KAZN: variants seen among roughly 807,000 people sequenced by gnomAD.
The protein encoded by KAZN is kazrin, periplakin interacting protein, also known as kazrin.
KAZN carries 40 observed loss-of-function variants against 87.4 expected under a neutral mutation model. The observed-to-expected ratio is 0.46, with a 90% CI of 0.36 to 0.60. The LOEUF (loss-of-function observed/expected upper bound fraction) is 0.60, where lower values mean the gene tolerates loss of function less well. KAZN is among the 20% of genes least tolerant of loss of function. KAZN has a pLI of 0.00. For synonymous variants in KAZN, 466 were observed against 458.3 expected (o/e 1.02, Z -0.22); for missense variants, 898 against 1,073.9 (o/e 0.84, Z 2.29).
At chr1:14,306,467 T>C (rs1654937578) in intron 2 of KAZN, among the ~76,000 whole-genome samples, 1 of 152,170 alleles carries the variant, frequency 6.6e-6, no homozygotes, top group Non-Finnish European at 1.5e-5. Context: ...AGAAAGGACA[T>C]GAACTCAGGG....
chr1:15,019,297 G>C (rs1305886583), intron 2 of KAZN, among the ~76,000 whole-genome samples: 1 of 152,186 alleles, frequency 6.6e-6, no homozygotes, highest in East Asian at 1.9e-4. Context: ...AGAGCAGGGG[G>C]CTCAGAACCA....
chr1:14,890,643 C>T lies in KAZN; in HGVS notation c.227-70041C>T, dbSNP rs183872870. Among the ~76,000 whole-genome samples the T allele has an allele frequency of 3.4e-3, 516 of 152,218 alleles. 3 individuals carry two copies. The highest frequency in any genetic ancestry group is 4.5e-3 in the African/African-American group (186 of 41,556). Reference sequence around the variant, plus strand: ...TGGGCTTTCTCAGTATACAGACTTCCGGGCCCCACGGCGGATCCACTGATG... The same window carrying T: ...TGGGCTTTCTCAGTATACAGACTTCTGGGCCCCACGGCGGATCCACTGATG... On this transcript the variant is annotated intron_variant, in intron 1 of 14. Coordinates refer to ENST00000376030, the MANE Select transcript of KAZN (RefSeq NM_201628.3).
At chr1:14,051,287 T>A (rs1367900704) in intron 1 of KAZN, among the ~76,000 whole-genome samples, 1 of 152,178 alleles carries the variant, frequency 6.6e-6, no homozygotes, top group Non-Finnish European at 1.5e-5. Context: ...CAAGCAGGAC[T>A]CTTGCTAAAA....
chr1:14,970,946 T>C (rs887050616), intron 2 of KAZN, among the ~76,000 whole-genome samples: 2 of 152,228 alleles, frequency 1.3e-5, no homozygotes, highest in African/African-American at 4.8e-5. Context: ...TTTGGAGTGA[T>C]AATCATTTCG....
At chr1:14,117,476 C>T (rs1201293996) in intron 1 of KAZN, among the ~76,000 whole-genome samples, 1 of 152,148 alleles carries the variant, frequency 6.6e-6, no homozygotes, top group Non-Finnish European at 1.5e-5. Context: ...AGTGTAAGTT[C>T]ATTAAAACCT....
chr1:14,830,068 G>A (rs1647010506), intron 1 of KAZN, among the ~76,000 whole-genome samples: 1 of 152,246 alleles, frequency 6.6e-6, no homozygotes, highest in African/African-American at 2.4e-5. Flanking sequence ...AATAATAACA[G>A]GTGTTGGGGG....
In KAZN at chr1:15,114,739, G is replaced by C; in HGVS notation, c.*104G>C. ...ACTGTACATAGCGGCCGCAGGCTGA[G>C]GATGTCCCTTGCTCCTGGGCAAAAT... On this transcript the variant is annotated 3_prime_UTR_variant, in exon 15 of 15. Transcript: ENST00000376030. 2.5e-6 allele frequency: 3 copies of C among 1,202,946 alleles called. No individual in the cohort carries two copies. The highest frequency in any genetic ancestry group is 3.4e-6 in the Non-Finnish European group (3 of 871,882). 74.5% of individuals were successfully genotyped at this position (1,202,946 alleles called of 1,614,324 possible).
intron 2 of KAZN, among the ~76,000 whole-genome samples, chr1:14,585,994 A>G (rs941353305): frequency 4.6e-5 from 7 of 152,160 alleles, no homozygotes; most frequent in Non-Finnish European, 7.4e-5. Flanking sequence ...GGAGATCAAA[A>G]TCAATTTTAA....
intron 2 of KAZN, among the ~76,000 whole-genome samples, chr1:14,510,574 C>G (rs1670851028): frequency 6.6e-6 from 1 of 152,162 alleles, no homozygotes; most frequent in Non-Finnish European, 1.5e-5. Context: ...ATATAGTGAG[C>G]TCTCTCAGGA....
At chr1:14,555,871 C>G (rs1177431776) in intron 2 of KAZN, among the ~76,000 whole-genome samples, 3 of 152,186 alleles carry the variant, frequency 2.0e-5, no homozygotes, top group Non-Finnish European at 4.4e-5. Flanking sequence ...AGGCTTGCCC[C>G]TTACTTATGA....
intron 8 of KAZN, among the ~76,000 whole-genome samples, chr1:15,074,908 G>A (rs374527676): frequency 9.5e-4 from 145 of 152,278 alleles, no homozygotes; most frequent in African/African-American, 3.3e-3. Context: ...AGCACAGGGC[G>A]CAATAAACCT....
Position 14,075,539 on chromosome 1 carries a change from G to A in KAZN, c.92-104896G>A, listed in dbSNP as rs190556349. On this transcript the variant is annotated intron_variant, in intron 1 of 16. Coordinates refer to the KAZN transcript ENST00000636203. ...TAAGGGGTTGGCATGGAACAGAAAG[G>A]GGGCAGAAGACATTTTGTTACTTTA... 2.8e-3 allele frequency among the ~76,000 whole-genome samples: 423 copies of A among 152,222 alleles called. 5 individuals carry two copies. Among genetic ancestry groups the A allele is most frequent in the African/African-American group, 9.9e-3 (410 of 41,538 alleles).
intron 2 of KAZN, among the ~76,000 whole-genome samples, chr1:14,181,285 A>G (rs373518296): frequency 3.0e-4 from 46 of 152,248 alleles, no homozygotes; most frequent in African/African-American, 1.1e-3. Context: ...GTGTCGGGAA[A>G]TGTTTCAGGA....
Position 15,094,371 on chromosome 1 carries a change from G to T in KAZN, c.1414G>T (p.Val472Leu). The T allele has an allele frequency of 6.2e-7, 1 of 1,612,742 alleles. No homozygotes were observed. Among genetic ancestry groups the T allele is most frequent in the South Asian group, 1.1e-5 (1 of 90,856 alleles). Reference sequence around the variant, plus strand: ...GTACGTCAAGGCCTGCACGGAGAACGTGAAGAGCGGGAAGGTAGGCAACTC... The same window carrying T: ...GTACGTCAAGGCCTGCACGGAGAACTTGAAGAGCGGGAAGGTAGGCAACTC... ...PMYVKACTENVKSGKVLLSLS... is the reference protein window; with the variant it reads ...PMYVKACTENLKSGKVLLSLS... The change falls in exon 9 of 15, where the codon GTG becomes TTG. Residue 472 changes from valine (V) to leucine (L), a missense_variant. Val to Leu is a conservative substitution (Grantham distance 32, BLOSUM62 1). Around this residue, in one of 3 missense-constraint regions of KAZN, gnomAD observed 521 missense variants for 689.4 expected, o/e 0.76. Coordinates refer to ENST00000376030, the MANE Select transcript of KAZN (RefSeq NM_201628.3). This position sits in a 1 kb window ranked among gnomAD's most constrained non-coding sequence, Gnocchi z 4.5.
chr1:13,998,560 G>T (rs963840939), intron 1 of KAZN, among the ~76,000 whole-genome samples: 1 of 151,544 alleles, frequency 6.6e-6, no homozygotes, highest in Admixed American at 6.6e-5. Context: ...GCAAAAAACA[G>T]CAGGGGTTGC....
intron 1 of KAZN, among the ~76,000 whole-genome samples, chr1:14,819,219 C>G (rs1646665074): frequency 6.6e-6 from 1 of 152,184 alleles, no homozygotes. Context: ...TACCTTAAAT[C>G]ATTAAGAGTC....
chr1:15,013,812 G>T (rs993338529), intron 2 of KAZN, among the ~76,000 whole-genome samples: 1 of 152,064 alleles, frequency 6.6e-6, no homozygotes, highest in African/African-American at 2.4e-5. Flanking sequence ...AGCTGATCAG[G>T]TGACTGAGGA....
chr1:14,038,547 C>G (rs1641662439), intron 1 of KAZN, among the ~76,000 whole-genome samples: 1 of 152,118 alleles, frequency 6.6e-6, no homozygotes, highest in Non-Finnish European at 1.5e-5. Flanking sequence ...TTCAATATAC[C>G]TTTCACTGTA....
chr1:14,382,188 C>T (rs1484602035), intron 2 of KAZN, among the ~76,000 whole-genome samples: 2 of 152,092 alleles, frequency 1.3e-5, no homozygotes, highest in East Asian at 1.9e-4. Flanking sequence ...AAAGATATTC[C>T]ATTTTCAAGG....
Sources: allele counts gnomAD v4.1 joint callset (sites outside exome capture counted in the v4.1 genomes callset), GRCh38; gene constraint gnomAD v4.1.1; regional missense constraint gnomAD v4.1.1; non-coding constraint Gnocchi (gnomAD v3.1); transcripts MANE v1.5; gene names NCBI Gene and HGNC (gene_info 2026-07-23, HGNC 2026-07-21).